The following AKAP1 variants were observed in gnomAD, a reference collection of about 807,000 sequenced individuals.
The protein encoded by AKAP1 is A-kinase anchor protein 1, mitochondrial.
Under a neutral mutation model 79.8 loss-of-function variants are expected in AKAP1, and 32 were observed. The ratio of observed to expected loss-of-function variants is 0.40; its 90% CI spans 0.30 to 0.54. The LOEUF (loss-of-function observed/expected upper bound fraction) is 0.54. Among genes scored for constraint, AKAP1 ranks in the 20% least tolerant of loss-of-function variants. AKAP1 has a pLI of 0.47. For synonymous variants in AKAP1, 416 were observed against 466.7 expected (o/e 0.89, Z 1.40); for missense variants, 961 against 1,138.9 (o/e 0.84, Z 2.25).
chr17:57,109,982 T>TG, intron 2 of AKAP1, 43 bp from the exon 3 acceptor site: 1 of 1,600,762 alleles, frequency 6.2e-7, no homozygotes, highest in Non-Finnish European at 8.5e-7. Flanking sequence ...CTGCTCTGAG[T>TG]GGGGTCTGTG....
intron 3 of AKAP1, among the ~76,000 whole-genome samples, chr17:57,111,343 T>A (rs1258182919): frequency 6.6e-6 from 1 of 152,250 alleles, no homozygotes; most frequent in Non-Finnish European, 1.5e-5. Flanking sequence ...AGCCCCTTTA[T>A]CTTTGGATCT....
intron 1 of AKAP1, chr17:57,095,687 CTT>C (rs1914068593): frequency 6.6e-6 from 1 of 152,140 alleles, no homozygotes; most frequent in African/African-American, 2.4e-5. Context: ...GGTCTTACCT[CTT>C]TGGTTTTGCC....
Position 57,106,169 on chromosome 17 carries a change from C to T in AKAP1, c.705C>T (p.Ser235=). Residue 235 remains serine (S), a synonymous_variant, in exon 2 of 11, where the codon AGC becomes AGT. Coordinates refer to ENST00000337714, the MANE Select transcript of AKAP1 (RefSeq NM_003488.4). ...VLELENSKGP[S]LASLEGEEDK... ...AATTGGAGAACAGCAAGGGCCCCAG[C>T]CTGGCCTCTTTAGAGGGGGAAGAAG... is the stretch of plus-strand genomic sequence containing the variant. 1 of 1,613,608 alleles carries T rather than the reference C, an allele frequency of 6.2e-7. No individual in the cohort carries two copies.
At chr17:57,098,081 C>T (rs1914237413) in intron 1 of AKAP1, among the ~76,000 whole-genome samples, 1 of 152,194 alleles carries the variant, frequency 6.6e-6, no homozygotes, top group Non-Finnish European at 1.5e-5. Flanking sequence ...GAGGGCTGTT[C>T]TGAGAAGCTG....
intron 10 of AKAP1, 151 bp from the exon 11 acceptor site, chr17:57,120,099 T>C (rs1915838634): frequency 1.6e-6 from 1 of 631,984 alleles, no homozygotes; most frequent in Admixed American, 3.3e-5. Context: ...ATGCTAGGAT[T>C]ACAGGCATGA....
rs897568487 is a variant in AKAP1, at chr17:57,085,289, G to A, written c.-134G>A. 1 of 151,180 alleles carries A rather than the reference G, an allele frequency of 6.6e-6. No homozygotes were observed. The highest frequency in any genetic ancestry group is 1.5e-5 in the Non-Finnish European group (1 of 67,696). The allele number at this position is 151,180 out of a possible 1,614,324, so 9.4% of individuals were successfully genotyped here. ...GTTCCACCCGCCTGGGCTAGCACGT[G>A]GGGGAGCTGCGGAAGCGCGGCGCTG... On this transcript the variant is annotated 5_prime_UTR_variant, in exon 1 of 11. Coordinates refer to ENST00000337714, the MANE Select transcript of AKAP1 (RefSeq NM_003488.4).
intron 3 of AKAP1, 91 bp downstream of exon 3, chr17:57,110,249 G>A (rs375112587): frequency 1.3e-6 from 2 of 1,526,412 alleles, no homozygotes; most frequent in Admixed American, 3.9e-5. Context: ...AGGGGGCTGG[G>A]AGAGGGACAG....
At chr17:57,108,024 G>A in intron 2 of AKAP1, 1 of 1,274,278 alleles carries the variant, frequency 7.8e-7, no homozygotes, top group Non-Finnish European at 1.0e-6. Context: ...CCCCAGCGTA[G>A]ACAGTTCAGA....
intron 10 of AKAP1, among the ~76,000 whole-genome samples, chr17:57,119,667 A>G (rs1915796379): frequency 6.6e-6 from 1 of 151,752 alleles, no homozygotes; most frequent in Admixed American, 6.6e-5. Context: ...GTGAACCAAC[A>G]TTGTGCCACT....
At chr17:57,090,467 C>T (rs1168171211) in intron 1 of AKAP1, among the ~76,000 whole-genome samples, 1 of 145,052 alleles carries the variant, frequency 6.9e-6, no homozygotes, top group Non-Finnish European at 1.5e-5. Context: ...CTGGGGCGTG[C>T]TCCCCACCTC....
At chr17:57,109,801 G>T (rs1915123143) in intron 2 of AKAP1, among the ~76,000 whole-genome samples, 1 of 152,206 alleles carries the variant, frequency 6.6e-6, no homozygotes, top group Admixed American at 6.5e-5. Flanking sequence ...AAGCAAGTGG[G>T]ACTGTAAGTG....
intron 4 of AKAP1, 114 bp downstream of exon 4, chr17:57,112,038 C>T: frequency 7.2e-7 from 1 of 1,384,810 alleles, no homozygotes; most frequent in South Asian, 1.4e-5. Flanking sequence ...CTTCTCATCC[C>T]AGGGAAGGGA....
At chr17:57,114,742 C>A in intron 6 of AKAP1, 106 bp downstream of exon 6, 1 of 1,240,964 alleles carries the variant, frequency 8.1e-7, no homozygotes, top group Non-Finnish European at 1.1e-6. Flanking sequence ...ATGGAAGCAG[C>A]ATCCTTCAAT....
chr17:57,113,349 A>G (rs1301014588), intron 5 of AKAP1, among the ~76,000 whole-genome samples: 1 of 151,366 alleles, frequency 6.6e-6, no homozygotes, highest in Non-Finnish European at 1.5e-5. Context: ...ACAGATGGAC[A>G]GATGGGCTGA....
chr17:57,112,095 C>T (rs533628433), intron 4 of AKAP1, among the ~76,000 whole-genome samples, 171 bp downstream of exon 4: 103 of 152,248 alleles, frequency 6.8e-4, no homozygotes, highest in African/African-American at 2.2e-3. Flanking sequence ...CAGGTGCCTG[C>T]GGGAGACTCA....
At chr17:57,117,640 G>A (rs1170456594) in intron 8 of AKAP1, among the ~76,000 whole-genome samples, 1 of 152,182 alleles carries the variant, frequency 6.6e-6, no homozygotes, top group African/African-American at 2.4e-5. Context: ...CTTAGAGGGA[G>A]CACTGGGGCA....
intron 1 of AKAP1, among the ~76,000 whole-genome samples, chr17:57,097,855 T>C (rs1265135979): frequency 6.6e-6 from 1 of 152,256 alleles, no homozygotes; most frequent in Non-Finnish European, 1.5e-5. Flanking sequence ...ATTGGGCTTG[T>C]TGGGCACTTG....
rs779969945 is a variant in AKAP1 at position 57,106,171 on chromosome 17, T to C, written c.707T>C (p.Leu236Pro). 1 of 1,613,764 alleles carries C rather than the reference T, an allele frequency of 6.2e-7. No homozygotes were observed. Among genetic ancestry groups the C allele is most frequent in the South Asian group, 1.1e-5 (1 of 91,056 alleles). ...TTGGAGAACAGCAAGGGCCCCAGCC[T>C]GGCCTCTTTAGAGGGGGAAGAAGAT... ...LELENSKGPS[L>P]ASLEGEEDKG... Residue 236 changes from leucine to proline, a missense_variant, in exon 2 of 11, where the codon CTG becomes CCG. This residue lies in a region of AKAP1 where 224 missense variants were observed against 210.2 expected (regional missense o/e 1.07). Coordinates refer to ENST00000337714, the MANE Select transcript of AKAP1 (RefSeq NM_003488.4).
At position 57,087,733 on chromosome 17, in the gene AKAP1, C is replaced by G. The variant is rs536485780; in HGVS notation, c.-25+2335C>G. On this transcript the variant is annotated intron_variant, in intron 1 of 10. Coordinates refer to ENST00000337714, the MANE Select transcript of AKAP1 (RefSeq NM_003488.4). ...GCACCCCTCTCCTTAGCCTCTGACC[C>G]AGAAGCTTGTTTGGGAGGAAAAACG... Among the ~76,000 whole-genome samples the G allele has an allele frequency of 1.8e-4, 28 of 152,334 alleles. No homozygotes were observed. In the South Asian group the frequency reaches 5.6e-3, roughly 30 times the overall value.
Sources: allele counts gnomAD v4.1 joint callset (sites outside exome capture counted in the v4.1 genomes callset), GRCh38; gene constraint gnomAD v4.1.1; regional missense constraint gnomAD v4.1.1; transcripts MANE v1.5; gene names NCBI Gene and HGNC (gene_info 2026-07-23, HGNC 2026-07-21).